Variants in NSMCE2 observed in about 807,000 individuals in gnomAD.
NSMCE2 encodes NSE2 SUMO ligase component of SMC5/6 complex.
A neutral mutation model predicts 23.8 loss-of-function variants in NSMCE2; 24 were observed. That is an observed-to-expected ratio of 1.01 (90% CI 0.73 to 1.42). The LOEUF (loss-of-function observed/expected upper bound fraction) is 1.42, where lower values mean the gene tolerates loss of function less well. Ranked by LOEUF, NSMCE2 falls within the 40% of genes most tolerant of loss-of-function variation. The probability of loss-of-function intolerance (pLI) is 0.00; values close to 1 mark genes in which losing one functional copy is unlikely to be tolerated. For missense variants in NSMCE2, 284 were observed against 296.5 expected (o/e 0.96, Z 0.31); for synonymous variants, 92 against 94.1 (o/e 0.98, Z 0.13).
chr8:125,154,204 A>G (rs985707640), intron 4 of NSMCE2, among the ~76,000 whole-genome samples: 2 of 152,166 alleles, frequency 1.3e-5, no homozygotes, highest in African/African-American at 4.8e-5. Flanking sequence ...TAGTCATAGA[A>G]AGTTGATTTA....
intron 5 of NSMCE2, among the ~76,000 whole-genome samples, chr8:125,338,497 T>C (rs1830134348): frequency 6.6e-6 from 1 of 152,220 alleles, no homozygotes; most frequent in African/African-American, 2.4e-5. Flanking sequence ...CAAGCATCTA[T>C]TGCATCAAAA....
chr8:125,202,696 T>A, intron 5 of NSMCE2, among the ~76,000 whole-genome samples: 1 of 152,354 alleles, frequency 6.6e-6, no homozygotes, highest in Admixed American at 6.5e-5. Flanking sequence ...TTAGAGGCAT[T>A]TACTTTAATA....
At position 125,327,265 on chromosome 8, in the gene NSMCE2, CAAAAAAA is replaced by C. The variant is rs59574355; in HGVS notation, c.419-29939_419-29933del. ...TGGGCGATAAAGCAAGACTCCATCT[CAAAAAAA>C]AAAAAAAAAAAAAAGAGAGAGAAAC... On this transcript the variant is annotated intron_variant, in intron 5 of 7. Transcript: ENST00000287437. Among the ~76,000 whole-genome samples the C allele has an allele frequency of 1.0e-3, 119 of 118,656 alleles. 1 individual carries two copies. The Middle Eastern group carries it at 0.022, about 21-fold the overall frequency. The allele number at this position is 118,656 out of a possible 152,430, so 77.8% of individuals were successfully genotyped here. A position where few individuals can be genotyped will look rare whatever the true frequency, so the allele number is the denominator to read the frequency against.
intron 5 of NSMCE2, among the ~76,000 whole-genome samples, chr8:125,258,934 C>T (rs7009033): frequency 0.22 from 32,700 of 151,986 alleles, 3,678 homozygotes; most frequent in Middle Eastern, 0.35. Context: ...CAGAGTTTTG[C>T]TCTTGTTGCC....
chr8:125,275,925 C>T (rs188972017), intron 5 of NSMCE2, among the ~76,000 whole-genome samples: 1 of 152,268 alleles, frequency 6.6e-6, no homozygotes, highest in Admixed American at 6.5e-5. Context: ...ATGTCTTTAG[C>T]CCGACCTAAA....
At chr8:125,359,658 A>C (rs987698758) in intron 7 of NSMCE2, among the ~76,000 whole-genome samples, 1 of 152,142 alleles carries the variant, frequency 6.6e-6, no homozygotes, top group Non-Finnish European at 1.5e-5. Flanking sequence ...TAGTTTCCTT[A>C]TCCATAAATG....
At chr8:125,305,230 A>G (rs1478520456) in intron 5 of NSMCE2, among the ~76,000 whole-genome samples, 1 of 152,250 alleles carries the variant, frequency 6.6e-6, no homozygotes, top group Non-Finnish European at 1.5e-5. Context: ...AATTTAATAC[A>G]TTATTTGATT....
At chr8:125,130,161 C>G (rs7460712) in intron 3 of NSMCE2, 46,167 of 442,900 alleles carry the variant, frequency 0.1, 2,803 homozygotes, top group African/African-American at 0.16. Flanking sequence ...TGTAGAATGT[C>G]TCTCAGCTGG....
chr8:125,131,846 G>C (rs1018709546), intron 3 of NSMCE2, among the ~76,000 whole-genome samples: 2 of 152,128 alleles, frequency 1.3e-5, no homozygotes, highest in South Asian at 4.1e-4. Flanking sequence ...GAATGGTGAG[G>C]TGCCTTGCAC....
intron 4 of NSMCE2, among the ~76,000 whole-genome samples, chr8:125,155,518 G>T (rs1193478634): frequency 6.6e-5 from 10 of 152,140 alleles, no homozygotes; most frequent in Admixed American, 6.5e-4. Flanking sequence ...ATTTTTGAGT[G>T]CCTACTATGT....
chr8:125,263,673 C>G (rs1456832408), intron 5 of NSMCE2, among the ~76,000 whole-genome samples: 2 of 151,954 alleles, frequency 1.3e-5, no homozygotes, highest in African/African-American at 2.4e-5. Context: ...TCTCTTGAAC[C>G]CGGGAGGCAG....
intron 5 of NSMCE2, among the ~76,000 whole-genome samples, chr8:125,235,260 G>A (rs1825495612): frequency 6.6e-6 from 1 of 150,654 alleles, no homozygotes. Context: ...AAAAAAAAAG[G>A]AAACCTAAAA....
In NSMCE2 at chr8:125,277,108, A is replaced by G. The variant is rs192139488; in HGVS notation, c.419-80111A>G. 4.6e-5 allele frequency among the ~76,000 whole-genome samples: 7 copies of G among 152,314 alleles called. 1 individual carries two copies. The highest frequency in any genetic ancestry group is 4.6e-4 in the Admixed American group (7 of 15,296). ...GTTATGAATTCCTTGAAGGAAGGAA[A>G]AGTGCTTTCTTCATCTTTGTGTCCT... On this transcript the variant is annotated intron_variant, in intron 5 of 7. Transcript: ENST00000287437.
chr8:125,339,723 T>C (rs1257053655), intron 5 of NSMCE2, among the ~76,000 whole-genome samples: 1 of 152,156 alleles, frequency 6.6e-6, no homozygotes, highest in African/African-American at 2.4e-5. Context: ...CCTCCCACTG[T>C]CACTGTGCCT....
Position 125,296,530 on chromosome 8 carries a change from G to T in NSMCE2, c.419-60689G>T, listed in dbSNP as rs530566344. ...CTGCCTCAGCCTCCCTAGTAGCTGG[G>T]ATTACAGGCATGCACCACCATGCCA... On this transcript the variant is annotated intron_variant, in intron 5 of 7. Transcript: ENST00000287437. 9.9e-5 allele frequency among the ~76,000 whole-genome samples: 15 copies of T among 151,980 alleles called. No individual in the cohort carries two copies. The South Asian group carries it at 3.1e-3, about 32-fold the overall frequency.
rs576578143 is a variant in NSMCE2, at chr8:125,180,910, C to T, written c.265-1193C>T. Among the ~76,000 whole-genome samples the T allele has an allele frequency of 9.1e-4, 138 of 152,208 alleles. 2 individuals are homozygous for T. In the South Asian group the frequency reaches 0.014, roughly 16 times the overall value. On this transcript the variant is annotated intron_variant, in intron 4 of 7. Coordinates refer to ENST00000287437, the MANE Select transcript of NSMCE2 (RefSeq NM_173685.4). ...TACTGTGTGCTGGGCACTGGTAATA[C>T]CGTGATAAATCAGACATCTTTCAAG...
At chr8:125,327,970 A>G (rs1019964444) in intron 5 of NSMCE2, among the ~76,000 whole-genome samples, 12 of 152,262 alleles carry the variant, frequency 7.9e-5, no homozygotes, top group African/African-American at 2.4e-4. Flanking sequence ...CTCCTCAATA[A>G]AAGATTGCCA....
rs994389713 is a variant in NSMCE2, at chr8:125,216,258, G to A, written c.418+34002G>A. Among the ~76,000 whole-genome samples, 14 of 152,280 alleles carry A rather than the reference G, an allele frequency of 9.2e-5. No homozygotes were observed. In the Middle Eastern group the frequency reaches 0.01, roughly 111 times the overall value. On this transcript the variant is annotated intron_variant, in intron 5 of 7. Transcript: ENST00000287437. ...GTTTTCACCTTTTGGATATAATGCTGCTGTGAGCATCAGTGTACATGTATC... is the reference window on the plus strand; with the variant it reads ...GTTTTCACCTTTTGGATATAATGCTACTGTGAGCATCAGTGTACATGTATC...
chr8:125,202,915 G>A (rs1026941426), intron 5 of NSMCE2, among the ~76,000 whole-genome samples: 17 of 152,120 alleles, frequency 1.1e-4, no homozygotes, highest in African/African-American at 3.4e-4. Context: ...ATGTTGACAA[G>A]GTAACACATC....
Sources: gnomAD v4.1 joint callset for allele counts (sites outside exome capture counted in the v4.1 genomes callset) on GRCh38, gnomAD v4.1.1 for gene constraint, MANE v1.5 for transcripts, NCBI Gene and HGNC (gene_info 2026-07-23, HGNC 2026-07-21) for gene names.